The following DSG4 variants were observed in gnomAD, a reference collection of about 807,000 sequenced individuals.
The protein encoded by DSG4 is desmoglein-4.
In DSG4, 87 loss-of-function variants were observed where a neutral mutation model predicts 93.1. The ratio of observed to expected loss-of-function variants is 0.93; its 90% CI spans 0.79 to 1.12. DSG4 has a LOEUF of 1.12. Ranked by LOEUF, DSG4 falls within the 50% of genes most tolerant of loss-of-function variation. The pLI, the probability that DSG4 is intolerant of heterozygous loss-of-function variation, is 0.00. For synonymous variants in DSG4, 432 were observed against 452.9 expected (o/e 0.95, Z 0.59); for missense variants, 1,373 against 1,285.7 (o/e 1.07, Z -1.04).
chr18:31,406,775 T>TTTTTTC (rs936858725), intron 12 of DSG4, among the ~76,000 whole-genome samples: 1 of 152,040 alleles, frequency 6.6e-6, no homozygotes, highest in Non-Finnish European at 1.5e-5. Flanking sequence ...TTTTTTTTCT[T>TTTTTTC]TTTTTCTTTT....
At chr18:31,411,925 G>A (rs528844458) in intron 15 of DSG4, among the ~76,000 whole-genome samples, 3 of 152,340 alleles carry the variant, frequency 2.0e-5, no homozygotes, top group African/African-American at 7.2e-5. Context: ...ACTCGTGCTA[G>A]ATTAAGACCT....
At chr18:31,392,030 T>C in intron 7 of DSG4, 125 bp from the exon 8 acceptor site, 3 of 872,276 alleles carry the variant, frequency 3.4e-6, no homozygotes, top group Non-Finnish European at 5.4e-6. Context: ...ACTATGGGCA[T>C]TTAATAATGG....
At chr18:31,398,196 G>A (rs995954378) in intron 8 of DSG4, among the ~76,000 whole-genome samples, 26 of 152,254 alleles carry the variant, frequency 1.7e-4, no homozygotes, top group African/African-American at 6.3e-4. Flanking sequence ...AGTATCATGT[G>A]GGGTGGTCTA....
At chr18:31,405,569 T>TAAAAA (rs1285723672) in intron 11 of DSG4, among the ~76,000 whole-genome samples, 1 of 143,548 alleles carries the variant, frequency 7.0e-6, no homozygotes, top group East Asian at 2.0e-4. Context: ...TTATAAATGT[T>TAAAAA]AAAAAAAAAA....
intron 1 of DSG4, among the ~76,000 whole-genome samples, chr18:31,381,281 A>G (rs966886572): frequency 1.3e-5 from 2 of 152,208 alleles, no homozygotes; most frequent in African/African-American, 4.8e-5. Context: ...GCTGCCAGCC[A>G]CTACATTGCC....
At chr18:31,391,958 T>C (rs1273415613) in intron 7 of DSG4, among the ~76,000 whole-genome samples, 197 bp from the exon 8 acceptor site, 3 of 152,334 alleles carry the variant, frequency 2.0e-5, no homozygotes, top group African/African-American at 2.4e-5. Flanking sequence ...TGATTTTACA[T>C]ACAGCACATG....
chr18:31,406,839 G>T (rs773312039), intron 12 of DSG4, among the ~76,000 whole-genome samples: 1 of 151,434 alleles, frequency 6.6e-6, no homozygotes, highest in African/African-American at 2.4e-5. Flanking sequence ...GTGCAGTGGC[G>T]CAACCTCGGC....
Position 31,411,444 on chromosome 18 carries a change from C to A in DSG4, c.2351C>A (p.Ser784Ter). 6.2e-7 allele frequency: 1 copy of A among 1,611,980 alleles called. No homozygotes were observed. Among genetic ancestry groups the A allele is most frequent in the East Asian group, 2.2e-5 (1 of 44,870 alleles). Residue 784 changes from serine (S) to a stop codon, truncating the protein, a stop_gained, in exon 15 of 16, where the codon TCG becomes TAG. Transcript: ENST00000308128. LOFTEE classifies it high-confidence loss of function. ...ATGGCTTTCTTGGACAGCTACTTCT[C>A]GGAGGTAATGCCCTCACAGTCACAC... ...INMAFLDSYF[S>*]EKAYAYADED... is the part of the protein sequence containing the mutation.
chr18:31,411,632 T>C lies in DSG4; in HGVS notation c.2355+184T>C, dbSNP rs572343223. Among the ~76,000 whole-genome samples, 12 of 152,286 alleles carry C rather than the reference T, an allele frequency of 7.9e-5. No individual in the cohort carries two copies. The South Asian group carries it at 2.5e-3, about 32-fold the overall frequency. On this transcript the variant is annotated intron_variant, in intron 15 of 15. Coordinates refer to ENST00000308128, the MANE Select transcript of DSG4 (RefSeq NM_177986.5). The stretch of plus-strand genomic sequence containing the variant: ...AATGCTAATTTGCCACAGGATTTCA[T>C]ATTCAACTGCCATAGCGCATCTTAG...
chr18:31,377,059 T>C, intron 1 of DSG4, 100 bp downstream of exon 1: 1 of 1,282,830 alleles, frequency 7.8e-7, no homozygotes, highest in Non-Finnish European at 1.1e-6. Context: ...ATTTTTAATC[T>C]CCTTCCTGCA....
At position 31,391,121 on chromosome 18, in the gene DSG4, A is replaced by T; in HGVS notation, c.728A>T (p.Asp243Val). 1 of 1,613,808 alleles carries T rather than the reference A, an allele frequency of 6.2e-7. No homozygotes were observed. The highest frequency in any genetic ancestry group is 8.5e-7 in the Non-Finnish European group (1 of 1,179,784). The stretch of plus-strand genomic sequence containing the variant: ...CTGGTTGTGAGAGGCTCAGATCGGG[A>T]TGGAGCTGCAGATGGACTGTCTTCT... ...YNLVVRGSDR[D>V]GAADGLSSEC... is the part of the protein sequence containing the mutation. Residue 243 changes from aspartate to valine, a missense_variant, in exon 7 of 16, where the codon GAT becomes GTT. Asp to Val is a radical substitution (Grantham distance 152, BLOSUM62 -3). Coordinates refer to ENST00000308128, the MANE Select transcript of DSG4 (RefSeq NM_177986.5).
At chr18:31,385,473 T>G (rs1260545665) in intron 2 of DSG4, among the ~76,000 whole-genome samples, 1 of 151,968 alleles carries the variant, frequency 6.6e-6, no homozygotes, top group African/African-American at 2.4e-5. Context: ...CACTTTAGAG[T>G]GGGAAGAGAC....
rs897920456 is a variant in DSG4 at position 31,389,237 on chromosome 18, G to C, written c.517+219G>C. On this transcript the variant is annotated intron_variant, in intron 5 of 15. Transcript: ENST00000308128. ...TTCTTACTTGCGGAAGGTCCCTACA[G>C]GGATTTAGCAGGTGCTTAGCACCTT... Among the ~76,000 whole-genome samples, 7 of 152,284 alleles carry C rather than the reference G, an allele frequency of 4.6e-5. No individual in the cohort carries two copies. The East Asian group carries it at 9.6e-4, about 21-fold the overall frequency.
At chr18:31,404,442 A>G (rs931748934) in intron 11 of DSG4, among the ~76,000 whole-genome samples, 2 of 152,204 alleles carry the variant, frequency 1.3e-5, no homozygotes, top group Admixed American at 1.3e-4. Context: ...AATAAAAAAG[A>G]AAATGCTATG....
intron 12 of DSG4, among the ~76,000 whole-genome samples, chr18:31,407,969 G>A (rs994080103): frequency 2.0e-5 from 3 of 152,222 alleles, no homozygotes; most frequent in Non-Finnish European, 4.4e-5. Context: ...AAAACCCAGT[G>A]CCAGCTGCAT....
intron 11 of DSG4, 86 bp downstream of exon 11, chr18:31,403,720 C>G (rs1299801980): frequency 4.2e-6 from 5 of 1,185,270 alleles, no homozygotes; most frequent in Non-Finnish European, 6.2e-6. Flanking sequence ...CTTAATAAAA[C>G]ATTCTACTTC....
intron 8 of DSG4, among the ~76,000 whole-genome samples, chr18:31,395,856 C>T (rs574032320): frequency 2.0e-5 from 3 of 152,126 alleles, no homozygotes; most frequent in South Asian, 2.1e-4. Context: ...GGGTGTGGGG[C>T]GGTCACCTGT....
Position 31,406,263 on chromosome 18 carries a change from T to C in DSG4, c.1823T>C (p.Ile608Thr), listed in dbSNP as rs748650084. ...GCCGCGGGCATCTACACAGAGGACA[T>C]AACTGGTGACACGTATGGGCCTGTC... The part of the protein sequence containing the change: ...SGAAGIYTED[I>T]TGDTYGPVTE... The change falls in exon 12 of 16, where the codon ATA becomes ACA. Residue 608 changes from isoleucine (I) to threonine (T), a missense_variant. By Grantham distance (89) the Ile-to-Thr change is moderately conservative. Transcript: ENST00000308128. The C allele has an allele frequency of 6.2e-7, 1 of 1,614,148 alleles. No individual in the cohort carries two copies. The highest frequency in any genetic ancestry group is 1.3e-5 in the African/African-American group (1 of 75,034).
Position 31,390,783 on chromosome 18 carries a change from T to C in DSG4, c.645T>C (p.Thr215=). Reference sequence around the variant, plus strand: ...CCATGTTCATTCTGAATAGGTACACTGGAGAAGTCTGCACCATGTCCAGTT... The same window carrying C: ...CCATGTTCATTCTGAATAGGTACACCGGAGAAGTCTGCACCATGTCCAGTT... ...GAPMFILNRY[T]GEVCTMSSFL... is the part of the protein sequence containing the mutation. The change falls in exon 6 of 16, where the codon ACT becomes ACC. Residue 215 remains threonine, a synonymous_variant. Transcript: ENST00000308128. 1 of 1,613,760 alleles carries C rather than the reference T, an allele frequency of 6.2e-7. No homozygotes were observed. Among genetic ancestry groups the C allele is most frequent in the Non-Finnish European group, 8.5e-7 (1 of 1,179,770 alleles).
Sources: allele counts gnomAD v4.1 joint callset (sites outside exome capture counted in the v4.1 genomes callset), GRCh38; gene constraint gnomAD v4.1.1; transcripts MANE v1.5; gene names NCBI Gene and HGNC (gene_info 2026-07-23, HGNC 2026-07-21).